Variants in CLK2 observed in about 807,000 individuals in gnomAD.
CLK2 encodes the protein dual specificity protein kinase CLK2.
CLK2 carries 12 observed loss-of-function variants against 73.5 expected under a neutral mutation model. That is an observed-to-expected ratio of 0.16 (90% CI 0.10 to 0.26). The LOEUF (loss-of-function observed/expected upper bound fraction) is 0.26. Among genes scored for constraint, CLK2 ranks in the 10% least tolerant of loss-of-function variants. The pLI is 1.00. For missense variants in CLK2, 509 were observed against 688.4 expected (o/e 0.74, Z 2.92); for synonymous variants, 232 against 237.9 (o/e 0.98, Z 0.23).
intron 8 of CLK2, 141 bp from the exon 9 acceptor site, chr1:155,264,915 C>A: frequency 1.1e-6 from 1 of 904,988 alleles, no homozygotes; most frequent in Non-Finnish European, 1.7e-6. Context: ...TCCTGTTTTA[C>A]AGCTTCCACC....
Position 155,263,263 on chromosome 1 carries a change from C to T in CLK2, c.1455G>A (p.Glu485=), listed in dbSNP as rs753200761. 32 of 1,614,046 alleles carry T rather than the reference C, an allele frequency of 2.0e-5. No homozygotes were observed. The highest frequency in any genetic ancestry group is 2.5e-5 in the Non-Finnish European group (30 of 1,180,020). ...QHPFFARLRA[E]PPNKLWDSSR... Reference sequence around the variant, plus strand: ...TGGAGTCCCACAACTTGTTGGGCGGCTCAGCCCGAAGGCGGGCGAAGAAAG... The same window carrying T: ...TGGAGTCCCACAACTTGTTGGGCGGTTCAGCCCGAAGGCGGGCGAAGAAAG... Residue 485 remains glutamate (E), a synonymous_variant, in exon 13 of 13, where the codon GAG becomes GAA. Coordinates refer to ENST00000368361, the MANE Select transcript of CLK2 (RefSeq NM_001294338.2).
intron 1 of CLK2, among the ~76,000 whole-genome samples, chr1:155,272,038 C>CG (rs1386288694): frequency 2.1e-5 from 2 of 95,410 alleles, no homozygotes; most frequent in African/African-American, 8.0e-5. Context: ...TTTTTTGAAA[C>CG]GGAGTTTTGC....
In CLK2 at chr1:155,268,971, A is replaced by C; in HGVS notation, c.400-176T>G. 1 of 624,038 alleles carries C rather than the reference A, an allele frequency of 1.6e-6. No homozygotes were observed. Among genetic ancestry groups the C allele is most frequent in the Non-Finnish European group, 2.9e-6 (1 of 346,608 alleles). The allele number at this position is 624,038 out of a possible 1,614,324, so 38.7% of individuals were successfully genotyped here. A position where few individuals can be genotyped will look rare whatever the true frequency, so the allele number is the denominator to read the frequency against. ...TGCAGTAAGGTGGATCGGTGTGAGA[A>C]GAGAGAGCGGCGCATAATCCCAAGT... On this transcript the variant is annotated intron_variant, in intron 3 of 12. Coordinates refer to ENST00000368361, the MANE Select transcript of CLK2 (RefSeq NM_001294338.2). This position sits in a 1 kb window ranked among gnomAD's most constrained non-coding sequence, Gnocchi z 5.6.
Position 155,273,350 on chromosome 1 carries a change from C to A in CLK2, c.-150G>T, listed in dbSNP as rs1196329779. The A allele has an allele frequency of 6.6e-6, 1 of 152,270 alleles. No homozygotes were observed. The highest frequency in any genetic ancestry group is 1.5e-5 in the Non-Finnish European group (1 of 68,084). The allele number at this position is 152,270 out of a possible 1,614,324, so 9.4% of individuals were successfully genotyped here. ...TGGGACCTCCCGCCCCGTTCCCGGG[C>A]TCCGCTTCAGTCCCGCCCGCCCCGG... On this transcript the variant is annotated 5_prime_UTR_variant, in exon 1 of 13. Coordinates refer to ENST00000368361, the MANE Select transcript of CLK2 (RefSeq NM_001294338.2).
In CLK2 at chr1:155,270,990, G is replaced by A. The variant is rs1328520121; in HGVS notation, c.1-13C>T. ...GAGGATGCGGCATCTGGAAGGCAAG[G>A]GAAAGCGGAAATAGGAAAGTTTCGA... is the stretch of plus-strand genomic sequence containing the variant. On this transcript the variant is annotated splice_polypyrimidine_tract_variant and intron_variant, in intron 1 of 12. Transcript: ENST00000368361. 1.2e-6 allele frequency: 2 copies of A among 1,601,292 alleles called. No individual in the cohort carries two copies. The highest frequency in any genetic ancestry group is 3.3e-5 in the Admixed American group (2 of 59,772).
In CLK2 at chr1:155,263,251, CTTG is replaced by C. The variant is rs775175824; in HGVS notation, c.1464_1466del (p.Asn488del). The stretch of plus-strand genomic sequence containing the variant: ...TGATATCCCGACTGGAGTCCCACAA[CTTG>C]TTGGGCGGCTCAGCCCGAAGGCGGG... On this transcript the variant is annotated inframe_deletion, in exon 13 of 13. Transcript: ENST00000368361. 1.9e-6 allele frequency: 3 copies of C among 1,613,948 alleles called. No homozygotes were observed. In the South Asian group the frequency reaches 3.3e-5, roughly 18 times the overall value.
chr1:155,265,767 G>T (rs1333891939), intron 8 of CLK2, 93 bp downstream of exon 8: 5 of 860,058 alleles, frequency 5.8e-6, no homozygotes, highest in Non-Finnish European at 1.0e-5. Context: ...GTGGGAGGAC[G>T]AAATAAAAGG....
chr1:155,270,818 G>A lies in CLK2; in HGVS notation c.160C>T (p.Arg54Cys), dbSNP rs200641226. Residue 54 changes from arginine (R) to cysteine (C), a missense_variant, in exon 2 of 13, where the codon CGT becomes TGT. Physicochemically the swap from Arg to Cys is radical, Grantham distance 180. Around this residue, in one of 6 missense-constraint regions of CLK2, gnomAD observed 222 missense variants for 221.7 expected, o/e 1.00. Transcript: ENST00000368361. The stretch of plus-strand genomic sequence containing the variant: ...TTCCTGAGGCCTCACCTTCGAGAAC[G>A]GACATGGTAGCTGTCCTCTCGCCGA... ...RRRREDSYHV[R>C]SRSSYDDRSS... 315 of 1,606,962 alleles carry A rather than the reference G, an allele frequency of 2.0e-4. 2 individuals carry two copies. The highest frequency in any genetic ancestry group is 1.7e-3 in the Middle Eastern group (10 of 6,012).
rs1673215882 is a variant in CLK2, at chr1:155,266,031, T to TCA, written c.839-78_839-77insTG. On this transcript the variant is annotated intron_variant, in intron 7 of 12. Transcript: ENST00000368361. ...GGTATCAGCTGACCCCAGGCCTGGTTACCTAGGGCAAAGCCAGTGAGGAGA... is the reference window on the plus strand; with the variant it reads ...GGTATCAGCTGACCCCAGGCCTGGTTCAACCTAGGGCAAAGCCAGTGAGGAGA... The TCA allele has an allele frequency of 4.2e-6, 4 of 954,678 alleles. No individual in the cohort carries two copies. The Admixed American group carries it at 6.8e-5, about 16-fold the overall frequency. The allele number at this position is 954,678 out of a possible 1,614,324, so 59.1% of individuals were successfully genotyped here. A position where few individuals can be genotyped will look rare whatever the true frequency, so the allele number is the denominator to read the frequency against.
At position 155,263,036 on chromosome 1, in the gene CLK2, C is replaced by T; in HGVS notation, c.*182G>A. 1 of 614,922 alleles carries T rather than the reference C, an allele frequency of 1.6e-6. No individual in the cohort carries two copies. The highest frequency in any genetic ancestry group is 2.8e-6 in the Non-Finnish European group (1 of 361,882). 38.1% of individuals were successfully genotyped at this position (614,922 alleles called of 1,614,324 possible). ...GGATGGAATAGTATTATGTACAAGGCAGGGGTTGAAGTGATAGGTACAAGT... is the reference window on the plus strand; with the variant it reads ...GGATGGAATAGTATTATGTACAAGGTAGGGGTTGAAGTGATAGGTACAAGT... On this transcript the variant is annotated 3_prime_UTR_variant, in exon 13 of 13. Transcript: ENST00000368361.
intron 7 of CLK2, 47 bp downstream of exon 7, chr1:155,266,668 ACAGAGAGATCCAAT>A: frequency 4.5e-6 from 7 of 1,564,228 alleles, no homozygotes; most frequent in Non-Finnish European, 6.1e-6. Context: ...TGCACAACCG[ACAGAGAGATCCAAT>A]GAAGGGAGGG....
At chr1:155,270,303 T>C (rs1046402956) in intron 2 of CLK2, among the ~76,000 whole-genome samples, 3 of 152,126 alleles carry the variant, frequency 2.0e-5, no homozygotes, top group African/African-American at 4.8e-5. Flanking sequence ...CCTGGGGCCA[T>C]AGAGTTTGCA....
chr1:155,269,167 T>C, intron 3 of CLK2: 1 of 577,546 alleles, frequency 1.7e-6, no homozygotes, highest in Non-Finnish European at 3.1e-6. Context: ...AGCCCAGGGC[T>C]TGGGGGAAAA....
Position 155,264,674 on chromosome 1 carries a change from C to G in CLK2, c.1034G>C (p.Arg345Pro). The G allele has an allele frequency of 6.2e-7, 1 of 1,614,176 alleles. No individual in the cohort carries two copies. Among genetic ancestry groups the G allele is most frequent in the Non-Finnish European group, 8.5e-7 (1 of 1,180,028 alleles). The part of the protein sequence containing the change: ...HEHHSTIVST[R>P]HYRAPEVILE... ...GATGACTTCTGGTGCTCGGTAATGG[C>G]GAGTGGAGACAATGGTGCTATGGTG... Residue 345 changes from arginine to proline, a missense_variant, in exon 9 of 13, where the codon CGC becomes CCC. Arg to Pro is a moderately radical substitution (Grantham distance 103). Coordinates refer to ENST00000368361, the MANE Select transcript of CLK2 (RefSeq NM_001294338.2).
rs1450775965 is a variant in CLK2 at position 155,267,917 on chromosome 1, G to C, written c.671+93C>G. On this transcript the variant is annotated intron_variant, in intron 6 of 12. Transcript: ENST00000368361. The stretch of plus-strand genomic sequence containing the variant: ...AAAGATGAATGGATGAGAAGGTCTA[G>C]GACTCCCCTGTCTGCCTAAACCAGG... 4 of 825,446 alleles carry C rather than the reference G, an allele frequency of 4.8e-6. No homozygotes were observed. In the Admixed American group the frequency reaches 7.0e-5, roughly 14 times the overall value. 51.1% of individuals were successfully genotyped at this position (825,446 alleles called of 1,614,324 possible).
In CLK2 at chr1:155,263,251, C is replaced by T; in HGVS notation, c.1467G>A (p.Lys489=). ...FARLRAEPPN[K]LWDSSRDISR ...TGATATCCCGACTGGAGTCCCACAA[C>T]TTGTTGGGCGGCTCAGCCCGAAGGC... Residue 489 remains lysine (K), a synonymous_variant, in exon 13 of 13, where the codon AAG becomes AAA. Coordinates refer to ENST00000368361, the MANE Select transcript of CLK2 (RefSeq NM_001294338.2). 1.2e-6 allele frequency: 2 copies of T among 1,613,946 alleles called. No individual in the cohort carries two copies. Among genetic ancestry groups the T allele is most frequent in the South Asian group, 2.2e-5 (2 of 91,064 alleles).
chr1:155,267,808 G>C (rs1476430917), intron 6 of CLK2, among the ~76,000 whole-genome samples: 2 of 152,084 alleles, frequency 1.3e-5, no homozygotes, highest in Non-Finnish European at 2.9e-5. Flanking sequence ...TAACTTCCCT[G>C]AAAACAAGGG....
chr1:155,262,985 G>T lies in CLK2; in HGVS notation c.*233C>A, dbSNP rs1357104734. 9 of 446,268 alleles carry T rather than the reference G, an allele frequency of 2.0e-5. No homozygotes were observed. The highest frequency in any genetic ancestry group is 3.5e-5 in the Non-Finnish European group (9 of 255,492). The allele number at this position is 446,268 out of a possible 1,614,324, so 27.6% of individuals were successfully genotyped here. On this transcript the variant is annotated 3_prime_UTR_variant, in exon 13 of 13. Transcript: ENST00000368361. ...CGGCCCCCATCCAACTCCGTATGAG[G>T]GGGCAGGTGAGGGTGGAAACTGTGT...
At chr1:155,263,441 T>C (rs878927862) in intron 12 of CLK2, 41 bp from the exon 13 acceptor site, 3 of 1,608,170 alleles carry the variant, frequency 1.9e-6, no homozygotes, top group South Asian at 2.2e-5. Flanking sequence ...CAGGATGCCT[T>C]ACAAACCCTG....
Sources: gnomAD v4.1 joint callset for allele counts (sites outside exome capture counted in the v4.1 genomes callset) on GRCh38, gnomAD v4.1.1 for gene constraint, gnomAD v4.1.1 regional missense constraint, Gnocchi (gnomAD v3.1) non-coding constraint, MANE v1.5 for transcripts, NCBI Gene and HGNC (gene_info 2026-07-23, HGNC 2026-07-21) for gene names.